FHIP2A: variants seen among roughly 807,000 people sequenced by gnomAD.
The protein encoded by FHIP2A is family with sequence similarity 160 member B1.
Under a neutral mutation model 93.5 loss-of-function variants are expected in FHIP2A, and 46 were observed. The ratio of observed to expected loss-of-function variants is 0.49; its 90% CI spans 0.39 to 0.63. The LOEUF (loss-of-function observed/expected upper bound fraction) is 0.63, where lower values mean the gene tolerates loss of function less well. Ranked by LOEUF, FHIP2A falls within the 20% of genes least tolerant of loss-of-function variation. The pLI is 0.00. For missense variants in FHIP2A, 769 were observed against 909.7 expected (o/e 0.85, Z 1.99); for synonymous variants, 332 against 326.5 (o/e 1.02, Z -0.18).
downstream of FHIP2A, among the ~76,000 whole-genome samples, chr10:114,867,208 CAA>C (rs11392511): frequency 1.8e-4 from 22 of 123,728 alleles, no homozygotes; most frequent in East Asian, 2.6e-4. Flanking sequence ...GACTCCATCT[CAA>C]AAAAAAAAAA....
chr10:114,881,420 A>G (rs913318696), intron 16 of FHIP2A, among the ~76,000 whole-genome samples: 1 of 152,080 alleles, frequency 6.6e-6, no homozygotes, highest in Non-Finnish European at 1.5e-5. Context: ...CCGGCACCCT[A>G]TGAGGCAGAC....
intron 14 of FHIP2A, among the ~76,000 whole-genome samples, chr10:114,860,128 G>A (rs1043497585): frequency 1.3e-5 from 2 of 152,094 alleles, no homozygotes; most frequent in African/African-American, 2.4e-5. Context: ...ACACACTGGT[G>A]CTTTTTTATG....
At chr10:114,890,619 G>A (rs376931736) in intron 16 of FHIP2A, among the ~76,000 whole-genome samples, 6 of 139,786 alleles carry the variant, frequency 4.3e-5, no homozygotes, top group East Asian at 4.1e-4. Context: ...TAAAATATAC[G>A]CTATATATGA....
chr10:114,845,898 G>A (rs575877152), intron 8 of FHIP2A, 115 bp from the exon 9 acceptor site: 1 of 767,206 alleles, frequency 1.3e-6, no homozygotes, highest in Non-Finnish European at 2.1e-6. Context: ...GGGTCATTAG[G>A]CAAGTTTTGT....
chr10:114,855,399 T>A (rs1203294060), intron 14 of FHIP2A, 59 bp downstream of exon 14: 1 of 1,405,266 alleles, frequency 7.1e-7, no homozygotes, highest in Non-Finnish European at 9.9e-7. Context: ...CACAGAATCA[T>A]CTCAAGTCTT....
At position 114,862,951 on chromosome 10, in the gene FHIP2A, C is replaced by T; in HGVS notation, c.*1411C>T. The T allele has an allele frequency of 4.1e-6, 4 of 985,372 alleles. No individual in the cohort carries two copies. Among genetic ancestry groups the T allele is most frequent in the Non-Finnish European group, 4.8e-6 (4 of 829,908 alleles). The allele number at this position is 985,372 out of a possible 1,614,324, so 61.0% of individuals were successfully genotyped here. On this transcript the variant is annotated 3_prime_UTR_variant, in exon 17 of 17. Transcript: ENST00000369248. ...GCATTGTGTGGCATGTGCATAGAGG[C>T]TTGTTTTACACCTATCTGCTCATTT...
At chr10:114,889,779 C>T (rs2083961373) in intron 16 of FHIP2A, among the ~76,000 whole-genome samples, 1 of 152,202 alleles carries the variant, frequency 6.6e-6, no homozygotes, top group Non-Finnish European at 1.5e-5. Flanking sequence ...TCCTTTGGGC[C>T]CTCCAAGGGT....
intron 3 of FHIP2A, among the ~76,000 whole-genome samples, chr10:114,835,064 C>T (rs546107303): frequency 2.2e-4 from 34 of 152,224 alleles, no homozygotes; most frequent in African/African-American, 7.2e-4. Flanking sequence ...CCATAGGTTT[C>T]CTTTTATTTA....
At chr10:114,884,911 CAAA>C (rs35889495) in intron 16 of FHIP2A, among the ~76,000 whole-genome samples, 4 of 124,014 alleles carry the variant, frequency 3.2e-5, no homozygotes. Context: ...GAGACTCCAT[CAAA>C]AAAAAAAAAA....
At chr10:114,825,381 T>C (rs192003446) in intron 1 of FHIP2A, among the ~76,000 whole-genome samples, 4 of 152,354 alleles carry the variant, frequency 2.6e-5, no homozygotes, top group Admixed American at 6.5e-5. Context: ...GGCTTAAACA[T>C]AGAGTTTATC....
At chr10:114,849,825 A>C (rs1022715497) in intron 13 of FHIP2A, among the ~76,000 whole-genome samples, 4 of 152,068 alleles carry the variant, frequency 2.6e-5, no homozygotes, top group Non-Finnish European at 2.9e-5. Flanking sequence ...TTTTGTCTCT[A>C]TGACTTTGCC....
At position 114,833,361 on chromosome 10, in the gene FHIP2A, C is replaced by T. The variant is rs781445628; in HGVS notation, c.253C>T (p.His85Tyr). Reference sequence around the variant, plus strand: ...GCCATGTATGGAATATTTGCTTCATCACAAGATCTTGGAAACATTATATAC... The same window carrying T: ...GCCATGTATGGAATATTTGCTTCATTACAAGATCTTGGAAACATTATATAC... ...TGPCMEYLLH[H>Y]KILETLYTLG... Residue 85 changes from histidine to tyrosine, a missense_variant, in exon 3 of 17, where the codon CAC becomes TAC. Coordinates refer to ENST00000369248, the MANE Select transcript of FHIP2A (RefSeq NM_020940.4). The T allele has an allele frequency of 1.9e-6, 3 of 1,614,002 alleles. No homozygotes were observed. Among genetic ancestry groups the T allele is most frequent in the Non-Finnish European group, 2.5e-6 (3 of 1,179,966 alleles).
chr10:114,876,763 T>A (rs767161543), intron 16 of FHIP2A, among the ~76,000 whole-genome samples: 1 of 152,066 alleles, frequency 6.6e-6, no homozygotes, highest in Non-Finnish European at 1.5e-5. Context: ...GGCCCCCTGG[T>A]CCTGTCTACT....
downstream of FHIP2A, among the ~76,000 whole-genome samples, chr10:114,866,345 T>A (rs1480552831): frequency 2.0e-5 from 3 of 152,202 alleles, no homozygotes; most frequent in Non-Finnish European, 4.4e-5. Flanking sequence ...ATACACTACA[T>A]TTTCTTTATC....
intron 1 of FHIP2A, 112 bp downstream of exon 1, chr10:114,822,235 T>C (rs938755236): frequency 2.1e-4 from 123 of 584,738 alleles, no homozygotes; most frequent in Non-Finnish European, 2.7e-4. Flanking sequence ...GGCGGCCCTG[T>C]CCCCGGTTGG....
chr10:114,843,786 G>A lies in FHIP2A; in HGVS notation c.862G>A (p.Val288Ile), dbSNP rs1231700037. 1 of 1,583,958 alleles carries A rather than the reference G, an allele frequency of 6.3e-7. No individual in the cohort carries two copies. The highest frequency in any genetic ancestry group is 2.3e-5 in the East Asian group (1 of 44,308). Residue 288 changes from valine (V) to isoleucine (I), a missense_variant, in exon 7 of 17, where the codon GTA becomes ATA. Transcript: ENST00000369248. ...GGCATGTGAAGGCTTGATGCTGTTAGTAAGTTTGCCAGAGCCTGCGGCTGC... is the reference window on the plus strand; with the variant it reads ...GGCATGTGAAGGCTTGATGCTGTTAATAAGTTTGCCAGAGCCTGCGGCTGC... ...VKACEGLMLL[V>I]SLPEPAAAKC...
intron 8 of FHIP2A, 21 bp from the exon 9 acceptor site, chr10:114,845,992 G>C (rs766837034): frequency 1.3e-6 from 2 of 1,523,830 alleles, no homozygotes; most frequent in Non-Finnish European, 1.8e-6. Context: ...AAAAAAAAAT[G>C]ATGTTCCTAC....
rs2083808820 is a variant in FHIP2A, at chr10:114,862,897, GT to G, written c.*1359del. The G allele has an allele frequency of 1.0e-6, 1 of 985,310 alleles. No homozygotes were observed. The highest frequency in any genetic ancestry group is 1.2e-6 in the Non-Finnish European group (1 of 829,930). 61.0% of individuals were successfully genotyped at this position (985,310 alleles called of 1,614,324 possible). A position where few individuals can be genotyped will look rare whatever the true frequency, so the allele number is the denominator to read the frequency against. On this transcript the variant is annotated 3_prime_UTR_variant, in exon 17 of 17. Transcript: ENST00000369248. ...GAACTGTCACTACCCCCTCTAGGAA[GT>G]TATTTTATGTAGCATGTTTGCATAT...
At chr10:114,831,142 G>T (rs959411824) in intron 2 of FHIP2A, among the ~76,000 whole-genome samples, 30 of 152,274 alleles carry the variant, frequency 2.0e-4, no homozygotes, top group African/African-American at 7.0e-4. Flanking sequence ...AGGCACTGGG[G>T]GATAGAACAG....
Sources: gnomAD v4.1 joint callset for allele counts (sites outside exome capture counted in the v4.1 genomes callset) on GRCh38, gnomAD v4.1.1 for gene constraint, MANE v1.5 for transcripts, NCBI Gene and HGNC (gene_info 2026-07-23, HGNC 2026-07-21) for gene names.